The following LRRC4C variants were observed in gnomAD, a reference collection of about 807,000 sequenced individuals.
The protein encoded by LRRC4C is leucine rich repeat containing 4C.
Under a neutral mutation model 33.6 loss-of-function variants are expected in LRRC4C, and 5 were observed. The observed-to-expected ratio is 0.15, with a 90% CI of 0.08 to 0.31. The LOEUF is 0.31. LRRC4C is among the 10% of genes least tolerant of loss of function. LRRC4C has a pLI of 1.00. For missense variants in LRRC4C, 560 were observed against 796.7 expected (o/e 0.70, Z 3.58); for synonymous variants, 329 against 302.0 (o/e 1.09, Z -0.93).
At chr11:41,416,467 T>C (rs954753726) in intron 1 of LRRC4C, among the ~76,000 whole-genome samples, 1 of 152,088 alleles carries the variant, frequency 6.6e-6, no homozygotes, top group African/African-American at 2.4e-5. Flanking sequence ...TCAGCTTTTG[T>C]GATTTTCCCA....
intron 1 of LRRC4C, among the ~76,000 whole-genome samples, chr11:41,187,228 A>G (rs553758999): frequency 5.3e-5 from 8 of 152,224 alleles, no homozygotes; most frequent in African/African-American, 1.9e-4. Flanking sequence ...CAAATGTTGT[A>G]TTTCCCAAGA....
intron 3 of LRRC4C, among the ~76,000 whole-genome samples, chr11:40,319,926 T>C (rs1206619560): frequency 6.6e-6 from 1 of 152,006 alleles, no homozygotes; most frequent in Non-Finnish European, 1.5e-5. Flanking sequence ...TATGTATATA[T>C]GTGTATGTAT....
chr11:41,223,132 A>C (rs1054249086), intron 1 of LRRC4C: 2 of 152,224 alleles, frequency 1.3e-5, no homozygotes, highest in African/African-American at 4.8e-5. Flanking sequence ...TTTTCAATAC[A>C]TATAGGGGAT....
In LRRC4C at chr11:40,997,357, C is replaced by T. The variant is rs2047220147; in HGVS notation, c.-495-63634G>A. Among the ~76,000 whole-genome samples, 2 of 151,934 alleles carry T rather than the reference C, an allele frequency of 1.3e-5. 1 individual carries two copies. The highest frequency in any genetic ancestry group is 4.2e-4 in the South Asian group (2 of 4,818). On this transcript the variant is annotated intron_variant, in intron 1 of 6. Coordinates refer to ENST00000528697, the MANE Select transcript of LRRC4C (RefSeq NM_001258419.2). ...AATGATGAGAGAGGCACTTCTGAAG[C>T]CAAAGGAAGAGAAAGTTTCCTGAGT...
intron 3 of LRRC4C, among the ~76,000 whole-genome samples, chr11:40,549,656 A>G (rs113795070): frequency 6.6e-6 from 1 of 152,326 alleles, no homozygotes; most frequent in Non-Finnish European, 1.5e-5. Flanking sequence ...ATGCTTGTCA[A>G]TGTATTTATA....
intron 1 of LRRC4C, among the ~76,000 whole-genome samples, chr11:41,218,165 CT>C (rs1947144783): frequency 6.6e-6 from 1 of 151,356 alleles, no homozygotes. Flanking sequence ...CTTTAGTCAC[CT>C]TTGTTACTTC....
intron 2 of LRRC4C, among the ~76,000 whole-genome samples, chr11:40,689,211 C>T (rs1410007225): frequency 2.0e-5 from 3 of 152,022 alleles, no homozygotes; most frequent in African/African-American, 4.8e-5. Flanking sequence ...AAATCTCATA[C>T]TAACCAATGG....
chr11:41,459,353 A>T (rs1031467159), intron 1 of LRRC4C, 78 bp downstream of exon 1: 1 of 152,240 alleles, frequency 6.6e-6, no homozygotes, highest in Admixed American at 6.5e-5. Context: ...AACTGCATAT[A>T]CATTTCCGAA....
At chr11:41,222,046 G>C (rs747786758) in intron 1 of LRRC4C, among the ~76,000 whole-genome samples, 6 of 152,190 alleles carry the variant, frequency 3.9e-5, no homozygotes, top group Admixed American at 2.6e-4. Context: ...GGAGCAGAGA[G>C]TAGAAGAATG....
intron 1 of LRRC4C, among the ~76,000 whole-genome samples, chr11:41,378,138 G>A (rs1473061778): frequency 1.3e-5 from 2 of 151,994 alleles, no homozygotes; most frequent in Non-Finnish European, 2.9e-5. Flanking sequence ...TAAAATAAGA[G>A]TGGGGAAGCA....
At chr11:40,993,460 C>G (rs1450291553) in intron 1 of LRRC4C, among the ~76,000 whole-genome samples, 1 of 151,988 alleles carries the variant, frequency 6.6e-6, no homozygotes, top group Non-Finnish European at 1.5e-5. Context: ...AAAAAACACC[C>G]GCTGAAGTCA....
At chr11:40,578,840 GTTTA>G (rs1279257443) in intron 3 of LRRC4C, among the ~76,000 whole-genome samples, 2 of 152,108 alleles carry the variant, frequency 1.3e-5, no homozygotes, top group South Asian at 2.1e-4. Context: ...ATTTGTGTCT[GTTTA>G]TTTATTTTTT....
At chr11:40,504,101 C>T (rs1954915082) in intron 3 of LRRC4C, among the ~76,000 whole-genome samples, 1 of 152,064 alleles carries the variant, frequency 6.6e-6, no homozygotes, top group South Asian at 2.1e-4. Flanking sequence ...ATTATTTTCA[C>T]CCACAATTCC....
intron 2 of LRRC4C, among the ~76,000 whole-genome samples, chr11:40,834,680 G>A (rs757892783): frequency 2.6e-5 from 4 of 152,002 alleles, no homozygotes; most frequent in African/African-American, 4.8e-5. Flanking sequence ...AGAAGTCAAC[G>A]ATTCCATAAA....
intron 1 of LRRC4C, among the ~76,000 whole-genome samples, chr11:41,030,231 T>C (rs114782787): frequency 1.5e-3 from 232 of 152,002 alleles, no homozygotes; most frequent in African/African-American, 5.4e-3. Context: ...CAATGGGACA[T>C]ATTTTCTATG....
chr11:40,558,059 T>C (rs1449995167), intron 3 of LRRC4C, among the ~76,000 whole-genome samples: 1 of 152,208 alleles, frequency 6.6e-6, no homozygotes, highest in Non-Finnish European at 1.5e-5. Context: ...GTGCTTGAAT[T>C]ACTCATGAGA....
chr11:40,347,839 C>G (rs1947204729), intron 3 of LRRC4C, among the ~76,000 whole-genome samples: 1 of 152,150 alleles, frequency 6.6e-6, no homozygotes, highest in Non-Finnish European at 1.5e-5. Context: ...GACTCCCAAC[C>G]TCAGGTGATC....
At chr11:40,197,739 G>C (rs1258461540) in intron 5 of LRRC4C, among the ~76,000 whole-genome samples, 3 of 152,106 alleles carry the variant, frequency 2.0e-5, no homozygotes, top group African/African-American at 7.2e-5. Context: ...TATTGCATTA[G>C]ACTATGCTAG....
chr11:40,501,842 G>A (rs1265670085), intron 3 of LRRC4C, among the ~76,000 whole-genome samples: 1 of 152,192 alleles, frequency 6.6e-6, no homozygotes, highest in Non-Finnish European at 1.5e-5. Context: ...CAGCAGGCTT[G>A]AATTTCTCCT....
Sources: allele counts gnomAD v4.1 joint callset (sites outside exome capture counted in the v4.1 genomes callset), GRCh38; gene constraint gnomAD v4.1.1; transcripts MANE v1.5; gene names NCBI Gene and HGNC (gene_info 2026-07-23, HGNC 2026-07-21).